Variants in MED27 observed in about 807,000 individuals in gnomAD.
MED27 encodes the protein mediator complex subunit 27, also known as mediator of RNA polymerase II transcription subunit 27.
MED27 carries 30 observed loss-of-function variants against 38.2 expected under a neutral mutation model. The ratio of observed to expected loss-of-function variants is 0.79; its 90% CI spans 0.59 to 1.07. The LOEUF (loss-of-function observed/expected upper bound fraction) is 1.07. Ranked by LOEUF, MED27 falls within the 50% of genes least tolerant of loss-of-function variation. The pLI is 0.00. For synonymous variants in MED27, 122 were observed against 153.5 expected (o/e 0.79, Z 1.52); for missense variants, 289 against 397.5 (o/e 0.73, Z 2.32).
At chr9:131,950,011 C>G (rs1830960258) in intron 3 of MED27, among the ~76,000 whole-genome samples, 1 of 151,988 alleles carries the variant, frequency 6.6e-6, no homozygotes, top group African/African-American at 2.4e-5. Context: ...GTTCTTCTTG[C>G]ATTACAAATT....
At chr9:131,880,858 C>G (rs1839023814) in intron 6 of MED27, among the ~76,000 whole-genome samples, 1 of 151,906 alleles carries the variant, frequency 6.6e-6, no homozygotes. Context: ...TTACAACTTC[C>G]TAATACACTT....
intron 3 of MED27, among the ~76,000 whole-genome samples, chr9:132,005,842 T>C (rs1832346944): frequency 6.6e-6 from 1 of 152,210 alleles, no homozygotes; most frequent in African/African-American, 2.4e-5. Flanking sequence ...ACATGACTGA[T>C]ATTAATAAAC....
At chr9:132,056,299 T>C (rs528681817) in intron 2 of MED27, among the ~76,000 whole-genome samples, 62 of 152,166 alleles carry the variant, frequency 4.1e-4, no homozygotes, top group South Asian at 6.2e-4. Context: ...CTTAGCGGAG[T>C]TCTAGCTGAT....
At chr9:131,905,728 CAGAAAAAGAAAA>C (rs201618276) in intron 4 of MED27, among the ~76,000 whole-genome samples, 14 of 113,594 alleles carry the variant, frequency 1.2e-4, no homozygotes, top group Middle Eastern at 0.011. Context: ...AAAAAAAAAA[CAGAAAAAGAAAA>C]AGAAAAAGAA....
intron 3 of MED27, among the ~76,000 whole-genome samples, chr9:131,983,202 G>A (rs1458003562): frequency 6.6e-6 from 1 of 152,124 alleles, no homozygotes; most frequent in African/African-American, 2.4e-5. Flanking sequence ...ATGAGGAAAA[G>A]GATTAAAGTC....
chr9:131,953,618 A>C (rs1831039776), intron 3 of MED27, among the ~76,000 whole-genome samples: 2 of 152,048 alleles, frequency 1.3e-5, no homozygotes, highest in Admixed American at 1.3e-4. Flanking sequence ...AAGAATATTA[A>C]AAATACTATA....
rs1295045311 is a variant in MED27, at chr9:131,883,311, G to A, written c.723+747C>T. ...GAAGCCGGCTGCTGCCCTGCAGGGAGCTGGCCCTGAGTACTGTGGGGACTG... is the reference window on the plus strand; with the variant it reads ...GAAGCCGGCTGCTGCCCTGCAGGGAACTGGCCCTGAGTACTGTGGGGACTG... On this transcript the variant is annotated intron_variant, in intron 6 of 7. Transcript: ENST00000292035. This position sits in a 1 kb window ranked among gnomAD's most constrained non-coding sequence, Gnocchi z 4.2. Among the ~76,000 whole-genome samples the A allele has an allele frequency of 3.3e-5, 5 of 152,212 alleles. No homozygotes were observed. The highest frequency in any genetic ancestry group is 5.9e-5 in the Non-Finnish European group (4 of 68,038).
At chr9:132,007,254 C>T (rs948076486) in intron 3 of MED27, among the ~76,000 whole-genome samples, 1 of 152,122 alleles carries the variant, frequency 6.6e-6, no homozygotes, top group African/African-American at 2.4e-5. Flanking sequence ...AGAATCGAAA[C>T]GCAAAGTGAG....
rs1233908223 is a variant in MED27 at position 131,889,797 on chromosome 9, G to T, written c.681+4088C>A. On this transcript the variant is annotated intron_variant, in intron 5 of 7. Transcript: ENST00000292035. This position sits in a 1 kb window ranked among gnomAD's most constrained non-coding sequence, Gnocchi z 4.2. ...GGTTGCTTTGGGCTTGGAGGACAGA[G>T]ACAACCGCAGAGGCAGAAGTTAAGC... Among the ~76,000 whole-genome samples the T allele has an allele frequency of 6.6e-6, 1 of 152,160 alleles. No individual in the cohort carries two copies. The highest frequency in any genetic ancestry group is 2.4e-5 in the African/African-American group (1 of 41,434).
At chr9:131,894,621 T>TA (rs58620636) in intron 4 of MED27, among the ~76,000 whole-genome samples, 25,018 of 148,468 alleles carry the variant, frequency 0.17, 2,060 homozygotes, top group South Asian at 0.2. Context: ...TATTATACAT[T>TA]AAAAAAAAAA....
intron 3 of MED27, among the ~76,000 whole-genome samples, chr9:131,969,367 T>C (rs531892030): frequency 8.7e-4 from 132 of 152,290 alleles, no homozygotes; most frequent in Non-Finnish European, 1.6e-3. Flanking sequence ...TTTTTAGTTT[T>C]TGGTGACGGT....
intron 3 of MED27, among the ~76,000 whole-genome samples, chr9:131,984,860 A>C (rs888768594): frequency 1.3e-5 from 2 of 151,838 alleles, no homozygotes. Context: ...TTCTGTCCTT[A>C]TAAAGCTTCT....
intron 6 of MED27, among the ~76,000 whole-genome samples, chr9:131,869,619 C>G (rs185243178): frequency 2.6e-5 from 4 of 152,174 alleles, no homozygotes; most frequent in East Asian, 3.9e-4. Flanking sequence ...CAAAGGGATG[C>G]AAGCCCAAGG....
At chr9:131,976,875 C>T (rs918494767) in intron 3 of MED27, among the ~76,000 whole-genome samples, 5 of 152,220 alleles carry the variant, frequency 3.3e-5, no homozygotes, top group African/African-American at 1.2e-4. Context: ...GATCATTACG[C>T]TTTAAGAACA....
rs1449758209 is a variant in MED27 at position 132,073,017 on chromosome 9, G to T, written c.348+4425C>A. Among the ~76,000 whole-genome samples, 3 of 152,198 alleles carry T rather than the reference G, an allele frequency of 2.0e-5. No individual in the cohort carries two copies. In the East Asian group the frequency reaches 5.8e-4, roughly 29 times the overall value. ...GCCGCCACAGAACACCTGACATCAGGTGCAGCAGCTCAAATTAGCCTGACT... is the reference window on the plus strand; with the variant it reads ...GCCGCCACAGAACACCTGACATCAGTTGCAGCAGCTCAAATTAGCCTGACT... On this transcript the variant is annotated intron_variant, in intron 2 of 7. Coordinates refer to ENST00000292035, the MANE Select transcript of MED27 (RefSeq NM_004269.4).
intron 4 of MED27, among the ~76,000 whole-genome samples, chr9:131,903,605 C>T (rs929825739): frequency 2.6e-5 from 4 of 152,252 alleles, no homozygotes; most frequent in Non-Finnish European, 5.9e-5. Flanking sequence ...GGCTTTCTTA[C>T]TTCCAACATG....
At chr9:131,895,693 C>T (rs11243557) in intron 4 of MED27, among the ~76,000 whole-genome samples, 17,306 of 152,156 alleles carry the variant, frequency 0.11, 1,734 homozygotes, top group East Asian at 0.43. Flanking sequence ...CTGTATAACA[C>T]TTTTAAATAT....
chr9:132,077,702 G>A (rs561983358), intron 1 of MED27, 116 bp from the exon 2 acceptor site: 27 of 1,012,472 alleles, frequency 2.7e-5, no homozygotes, highest in South Asian at 1.5e-4. Flanking sequence ...CCCTTAAGAA[G>A]AAATACTTTT....
chr9:132,001,456 T>TA (rs1264252814), intron 3 of MED27, among the ~76,000 whole-genome samples: 75 of 152,196 alleles, frequency 4.9e-4, no homozygotes, highest in Admixed American at 2.7e-3. Context: ...CTGATTTACA[T>TA]AAATGACAAT....
Sources: allele counts gnomAD v4.1 joint callset (sites outside exome capture counted in the v4.1 genomes callset), GRCh38; gene constraint gnomAD v4.1.1; non-coding constraint Gnocchi (gnomAD v3.1); transcripts MANE v1.5; gene names NCBI Gene and HGNC (gene_info 2026-07-23, HGNC 2026-07-21).